ADAM32: variants seen among roughly 807,000 people sequenced by gnomAD.
The protein encoded by ADAM32 is ADAM metallopeptidase domain 32.
In ADAM32, 89 loss-of-function variants were observed where a neutral mutation model predicts 114.9. The observed-to-expected ratio is 0.77, with a 90% CI of 0.65 to 0.92. ADAM32 has a LOEUF of 0.92. Ranked by LOEUF, ADAM32 falls within the 40% of genes least tolerant of loss-of-function variation. The pLI is 0.00. For missense variants in ADAM32, 870 were observed against 932.8 expected (o/e 0.93, Z 0.88); for synonymous variants, 285 against 307.5 (o/e 0.93, Z 0.77).
At chr8:39,139,720 T>C (rs571586445) in intron 3 of ADAM32, among the ~76,000 whole-genome samples, 1 of 152,218 alleles carries the variant, frequency 6.6e-6, no homozygotes, top group East Asian at 1.9e-4. Flanking sequence ...AGAAAGTCAT[T>C]GTAGCTTGAT....
At chr8:39,144,853 A>C (rs531596773) in intron 3 of ADAM32, among the ~76,000 whole-genome samples, 10 of 152,182 alleles carry the variant, frequency 6.6e-5, no homozygotes, top group Admixed American at 1.3e-4. Context: ...CCTAATGGGA[A>C]AGAGAAATGT....
chr8:39,115,469 T>C (rs1420927925), intron 1 of ADAM32, among the ~76,000 whole-genome samples: 1 of 152,254 alleles, frequency 6.6e-6, no homozygotes, highest in African/African-American at 2.4e-5. Context: ...TGGTGTGACA[T>C]GATATGTCAC....
chr8:39,188,415 A>G (rs369957172), intron 11 of ADAM32, among the ~76,000 whole-genome samples: 1 of 152,050 alleles, frequency 6.6e-6, no homozygotes, highest in Non-Finnish European at 1.5e-5. Context: ...CCATCCATCT[A>G]TCACAACAAC....
intron 14 of ADAM32, among the ~76,000 whole-genome samples, chr8:39,224,911 C>T (rs1809247198): frequency 6.6e-6 from 1 of 152,118 alleles, no homozygotes; most frequent in African/African-American, 2.4e-5. Flanking sequence ...ATTACAGCAG[C>T]ATATCTGAGA....
chr8:39,136,559 G>A (rs1251859115), intron 2 of ADAM32, 98 bp from the exon 3 acceptor site: 3 of 719,048 alleles, frequency 4.2e-6, no homozygotes, highest in Non-Finnish European at 2.2e-6. Context: ...TAATGAAGAT[G>A]TTTTAAGCAT....
In ADAM32 at chr8:39,235,968, AAAC is replaced by A. The variant is rs1810108686; in HGVS notation, c.1818+1889_1818+1891del. Among the ~76,000 whole-genome samples, 3 of 152,328 alleles carry A rather than the reference AAAC, an allele frequency of 2.0e-5. No homozygotes were observed. In the South Asian group the frequency reaches 6.2e-4, roughly 32 times the overall value. ...CATATGTCATCTCATTTTAAACTAA[AAAC>A]AAGCTCTAATGTTACTTGCTTTTTC... On this transcript the variant is annotated intron_variant, in intron 16 of 24. Transcript: ENST00000379907.
At chr8:39,117,502 C>A (rs1028734391) in intron 1 of ADAM32, among the ~76,000 whole-genome samples, 1 of 151,398 alleles carries the variant, frequency 6.6e-6, no homozygotes, top group African/African-American at 2.4e-5. Context: ...TATTTAATGG[C>A]CTTTTTGCTG....
chr8:39,283,768 ATTCT>A, intron 24 of ADAM32, 144 bp downstream of exon 24: 2 of 350,982 alleles, frequency 5.7e-6, no homozygotes, highest in East Asian at 5.2e-5. Flanking sequence ...TCTTTCTTTT[ATTCT>A]TTTTTTTTTT....
intron 16 of ADAM32, among the ~76,000 whole-genome samples, chr8:39,241,395 G>A (rs141546785): frequency 0.027 from 4,144 of 152,324 alleles, 212 homozygotes; most frequent in African/African-American, 0.094. Context: ...GGGACTCTGT[G>A]TGGGGGCTCC....
At chr8:39,233,478 G>A (rs1228321333) in intron 15 of ADAM32, among the ~76,000 whole-genome samples, 1 of 152,198 alleles carries the variant, frequency 6.6e-6, no homozygotes, top group East Asian at 1.9e-4. Flanking sequence ...GATGACCAGA[G>A]GTCACTTTCA....
intron 3 of ADAM32, among the ~76,000 whole-genome samples, chr8:39,142,309 A>G (rs551393809): frequency 1.1e-4 from 17 of 152,312 alleles, no homozygotes; most frequent in African/African-American, 3.8e-4. Context: ...GATGGTGTTT[A>G]CCATTTGGCA....
rs540090011 is a variant in ADAM32, at chr8:39,124,623, A to G, written c.138+6458A>G. Reference sequence around the variant, plus strand: ...AGTAAAGACGGGGTTTCACCGTGTTAGCCAGGATGGTCTTGATCTCCTGAC... The same window carrying G: ...AGTAAAGACGGGGTTTCACCGTGTTGGCCAGGATGGTCTTGATCTCCTGAC... On this transcript the variant is annotated intron_variant, in intron 2 of 24. Coordinates refer to ENST00000379907, the MANE Select transcript of ADAM32 (RefSeq NM_145004.7). Among the ~76,000 whole-genome samples the G allele has an allele frequency of 2.8e-3, 431 of 152,058 alleles. 1 individual carries two copies. The highest frequency in any genetic ancestry group is 3.1e-3 in the Non-Finnish European group (214 of 67,954).
intron 2 of ADAM32, among the ~76,000 whole-genome samples, chr8:39,119,616 A>G (rs142760885): frequency 1.3e-5 from 2 of 150,838 alleles, no homozygotes; most frequent in East Asian, 1.9e-4. Flanking sequence ...CAACTTCTCT[A>G]TTTGGAATTA....
At chr8:39,251,288 C>A (rs1811280941) in intron 17 of ADAM32, among the ~76,000 whole-genome samples, 1 of 151,774 alleles carries the variant, frequency 6.6e-6, no homozygotes, top group African/African-American at 2.4e-5. Context: ...TACATTCCCA[C>A]CTATAGTGTG....
chr8:39,158,519 C>A, intron 6 of ADAM32: 1 of 317,246 alleles, frequency 3.2e-6, no homozygotes, highest in South Asian at 3.3e-5. Flanking sequence ...GGGTCCTAGC[C>A]GGCCAGCTTC....
chr8:39,277,600 G>T (rs1340836681), intron 22 of ADAM32, among the ~76,000 whole-genome samples: 6 of 152,188 alleles, frequency 3.9e-5, no homozygotes, highest in Non-Finnish European at 7.3e-5. Context: ...AACGAGGTGG[G>T]AGCTGCTAGA....
At chr8:39,211,931 AT>A (rs1283804054) in intron 12 of ADAM32, among the ~76,000 whole-genome samples, 5 of 152,188 alleles carry the variant, frequency 3.3e-5, no homozygotes, top group African/African-American at 1.2e-4. Flanking sequence ...CTTGAACCAT[AT>A]CACATTATTT....
intron 1 of ADAM32, among the ~76,000 whole-genome samples, chr8:39,108,852 G>T (rs1356214814): frequency 6.6e-6 from 1 of 152,144 alleles, no homozygotes; most frequent in African/African-American, 2.4e-5. Flanking sequence ...CTTGTAAACA[G>T]CTACCTTCTC....
intron 10 of ADAM32, among the ~76,000 whole-genome samples, chr8:39,171,470 C>CTA (rs1370296847): frequency 6.6e-6 from 1 of 152,092 alleles, no homozygotes; most frequent in Non-Finnish European, 1.5e-5. Context: ...GTAGCTCTCT[C>CTA]TATATATATT....
Sources: allele counts gnomAD v4.1 joint callset (sites outside exome capture counted in the v4.1 genomes callset), GRCh38; gene constraint gnomAD v4.1.1; transcripts MANE v1.5; gene names NCBI Gene and HGNC (gene_info 2026-07-23, HGNC 2026-07-21).